NIPAL2: variants seen among roughly 807,000 people sequenced by gnomAD.
The protein encoded by NIPAL2 is NIPA-like protein 2.
A neutral mutation model predicts 48.9 loss-of-function variants in NIPAL2; 43 were observed. The observed-to-expected ratio is 0.88, with a 90% CI of 0.69 to 1.13. The LOEUF (loss-of-function observed/expected upper bound fraction) is 1.13. Ranked by LOEUF, NIPAL2 falls within the 50% of genes most tolerant of loss-of-function variation. The pLI is 0.00. For missense variants in NIPAL2, 446 were observed against 461.4 expected (o/e 0.97, Z 0.31); for synonymous variants, 167 against 174.6 (o/e 0.96, Z 0.34).
At chr8:98,193,127 C>T in intron 10 of NIPAL2, 37 bp from the exon 11 acceptor site, 1 of 1,513,756 alleles carries the variant, frequency 6.6e-7, no homozygotes, top group South Asian at 1.1e-5. Context: ...CTTTTGAGGT[C>T]TTACAGAAAA....
intron 6 of NIPAL2, among the ~76,000 whole-genome samples, chr8:98,206,858 C>T (rs1811070419): frequency 6.6e-6 from 1 of 151,932 alleles, no homozygotes; most frequent in Non-Finnish European, 1.5e-5. Context: ...CCCCACTTCT[C>T]AACAAAGAGG....
intron 1 of NIPAL2, among the ~76,000 whole-genome samples, chr8:98,292,917 T>C (rs1421157649): frequency 6.6e-6 from 1 of 152,204 alleles, no homozygotes; most frequent in Admixed American, 6.5e-5. Flanking sequence ...CAAGAGGCTC[T>C]GAGTACCCTC....
chr8:98,210,391 G>A (rs1811254029), intron 6 of NIPAL2, among the ~76,000 whole-genome samples: 1 of 152,156 alleles, frequency 6.6e-6, no homozygotes. Context: ...ACATTTCCAG[G>A]TGGTAGGGTT....
chr8:98,279,576 C>T (rs1815680283), intron 1 of NIPAL2, among the ~76,000 whole-genome samples: 1 of 152,174 alleles, frequency 6.6e-6, no homozygotes. Context: ...AGGAAAGTGT[C>T]TTATGCAAAG....
intron 1 of NIPAL2, among the ~76,000 whole-genome samples, chr8:98,288,400 A>C (rs1586498507): frequency 6.6e-6 from 1 of 151,318 alleles, no homozygotes; most frequent in South Asian, 2.1e-4. Flanking sequence ...ATAGTATTCC[A>C]TGGTGTATAT....
At position 98,252,020 on chromosome 8, in the gene NIPAL2, T is replaced by C. The variant is rs967565529; in HGVS notation, c.376+443A>G. Among the ~76,000 whole-genome samples the C allele has an allele frequency of 6.6e-5, 10 of 152,340 alleles. No individual in the cohort carries two copies. In the East Asian group the frequency reaches 1.9e-3, roughly 29 times the overall value. The stretch of plus-strand genomic sequence containing the variant: ...ATTACTGTAAAATTACACATTCTTA[T>C]AGTAATGTAGACTAACCAATATTTA... On this transcript the variant is annotated intron_variant, in intron 3 of 10. Coordinates refer to ENST00000430223, the MANE Select transcript of NIPAL2 (RefSeq NM_001321635.2).
At chr8:98,251,301 A>G (rs1813572412) in intron 3 of NIPAL2, among the ~76,000 whole-genome samples, 1 of 152,180 alleles carries the variant, frequency 6.6e-6, no homozygotes, top group Admixed American at 6.5e-5. Context: ...CAAGTTCATC[A>G]TATAACTAGA....
intron 5 of NIPAL2, among the ~76,000 whole-genome samples, chr8:98,221,363 C>CTT (rs11383684): frequency 2.7e-4 from 40 of 146,296 alleles, no homozygotes; most frequent in Admixed American, 5.4e-4. Flanking sequence ...TCAACAAGGA[C>CTT]TTTTTTTTTT....
chr8:98,246,586 T>G (rs1238874955), intron 3 of NIPAL2, among the ~76,000 whole-genome samples: 2 of 152,214 alleles, frequency 1.3e-5, no homozygotes, highest in African/African-American at 4.8e-5. Context: ...TCCATTCAGC[T>G]GGGCAATGAT....
rs147007502 is a variant in NIPAL2 at position 98,207,316 on chromosome 8, G to A, written c.656-2070C>T. Reference sequence around the variant, plus strand: ...AAACTATCAATTTCTGTAGCCAATCGTTACATTTTCAAAGCATGCACAATT... The same window carrying A: ...AAACTATCAATTTCTGTAGCCAATCATTACATTTTCAAAGCATGCACAATT... On this transcript the variant is annotated intron_variant, in intron 6 of 10. Transcript: ENST00000430223. 6.9e-3 allele frequency among the ~76,000 whole-genome samples: 1,046 copies of A among 152,278 alleles called. 12 individuals carry two copies. The highest frequency in any genetic ancestry group is 0.024 in the African/African-American group (1,011 of 41,550).
At chr8:98,293,637 GA>G (rs1816607269) in intron 1 of NIPAL2, among the ~76,000 whole-genome samples, 1 of 152,186 alleles carries the variant, frequency 6.6e-6, no homozygotes, top group Non-Finnish European at 1.5e-5. Flanking sequence ...ATCCTGGGGT[GA>G]AAATGAGTGA....
chr8:98,210,940 G>T (rs1005575496), intron 6 of NIPAL2, among the ~76,000 whole-genome samples: 8 of 152,168 alleles, frequency 5.3e-5, no homozygotes, highest in Admixed American at 2.0e-4. Flanking sequence ...CAACCTGCAA[G>T]GGCCAATCAG....
In NIPAL2 at chr8:98,222,557, A is replaced by G; in HGVS notation, c.480T>C (p.Phe160=). The G allele has an allele frequency of 2.5e-6, 4 of 1,614,154 alleles. No homozygotes were observed. Among genetic ancestry groups the G allele is most frequent in the Non-Finnish European group, 3.4e-6 (4 of 1,179,958 alleles). ...AFAGTYLLVN[F]APNITQAISA... is the part of the protein sequence containing the mutation. ...AGATTGCCTGAGTTATATTTGGAGC[A>G]AAGTTCACCAGTAAATATGTTCCTG... The change falls in exon 5 of 11, where the codon TTT becomes TTC. Residue 160 remains phenylalanine, a synonymous_variant. Coordinates refer to ENST00000430223, the MANE Select transcript of NIPAL2 (RefSeq NM_001321635.2).
chr8:98,245,933 T>C (rs1813287107), intron 3 of NIPAL2, among the ~76,000 whole-genome samples: 1 of 152,212 alleles, frequency 6.6e-6, no homozygotes, highest in South Asian at 2.1e-4. Flanking sequence ...ATTTTCTGCA[T>C]ATCTTGAACA....
chr8:98,247,872 G>T (rs1336036287), intron 3 of NIPAL2, among the ~76,000 whole-genome samples: 1 of 152,136 alleles, frequency 6.6e-6, no homozygotes, highest in Non-Finnish European at 1.5e-5. Flanking sequence ...CTATTTCTTT[G>T]TACTGGATTT....
intron 1 of NIPAL2, among the ~76,000 whole-genome samples, chr8:98,259,873 C>CA (rs1814186186): frequency 6.6e-6 from 1 of 152,206 alleles, no homozygotes; most frequent in Non-Finnish European, 1.5e-5. Flanking sequence ...CATGAATGAA[C>CA]CCAGGTGGAC....
At chr8:98,231,666 T>C (rs1353495715) in intron 4 of NIPAL2, 1 of 141,506 alleles carries the variant, frequency 7.1e-6, no homozygotes, top group South Asian at 2.5e-4. Context: ...CAGAGCACAG[T>C]CCAAACCTGT....
In NIPAL2 at chr8:98,192,119, G is replaced by A. The variant is rs1187521233; in HGVS notation, c.*859C>T. ...ACATAGGATATTAAATTTTTCTTCAGTTTCAAGTATGATAGAATCATACAG... is the reference window on the plus strand; with the variant it reads ...ACATAGGATATTAAATTTTTCTTCAATTTCAAGTATGATAGAATCATACAG... On this transcript the variant is annotated 3_prime_UTR_variant, in exon 11 of 11. Transcript: ENST00000430223. 3 of 152,082 alleles carry A rather than the reference G, an allele frequency of 2.0e-5. No homozygotes were observed. The highest frequency in any genetic ancestry group is 7.2e-5 in the African/African-American group (3 of 41,416). 9.4% of individuals were successfully genotyped at this position (152,082 alleles called of 1,614,324 possible). A position where few individuals can be genotyped will look rare whatever the true frequency, so the allele number is the denominator to read the frequency against.
At position 98,259,108 on chromosome 8, in the gene NIPAL2, G is replaced by A. The variant is rs370380911; in HGVS notation, c.136-5021C>T. ...TTTTTTTTTTTTGAGACGGAGTTTC[G>A]CTCTGTCGCCCAGGCTGGAGTGCAG... On this transcript the variant is annotated intron_variant, in intron 1 of 10. Transcript: ENST00000430223. Among the ~76,000 whole-genome samples, 413 of 91,640 alleles carry A rather than the reference G, an allele frequency of 4.5e-3. 6 individuals are homozygous for A. The highest frequency in any genetic ancestry group is 0.018 in the African/African-American group (379 of 20,660). 60.1% of individuals were successfully genotyped at this position (91,640 alleles called of 152,430 possible).
Sources: allele counts gnomAD v4.1 joint callset (sites outside exome capture counted in the v4.1 genomes callset), GRCh38; gene constraint gnomAD v4.1.1; transcripts MANE v1.5; gene names NCBI Gene and HGNC (gene_info 2026-07-23, HGNC 2026-07-21).